Variants in CCDC141 observed in about 807,000 individuals in gnomAD.
The protein encoded by CCDC141 is coiled-coil domain-containing protein 141.
In CCDC141, 168 loss-of-function variants were observed where a neutral mutation model predicts 181.0. The observed-to-expected ratio is 0.93, with a 90% CI of 0.82 to 1.05. The LOEUF (loss-of-function observed/expected upper bound fraction) is 1.05. Among genes scored for constraint, CCDC141 ranks in the 50% least tolerant of loss-of-function variants. CCDC141 has a pLI of 0.00. For missense variants in CCDC141, 1,902 were observed against 1,788.5 expected (o/e 1.06, Z -1.14); for synonymous variants, 666 against 642.3 (o/e 1.04, Z -0.56).
In CCDC141 at chr2:178,850,149, C is replaced by T. The variant is rs1685102479; in HGVS notation, c.3257G>A (p.Gly1086Glu). Residue 1086 changes from glycine (G) to glutamate (E), a missense_variant, in exon 21 of 24, where the codon GGA becomes GAA. Gly to Glu is a moderately conservative substitution (Grantham distance 98). Coordinates refer to ENST00000443758, the MANE Select transcript of CCDC141 (RefSeq NM_173648.4). Reference protein sequence around the residue: ...LAQHLYGLEEGQKYIEKIVTK... With the variant: ...LAQHLYGLEEEQKYIEKIVTK... ...CACTATTTTCTCAATATATTTCTGT[C>T]CTTCTTCCAAACCTGGGGAGGAGAA... 6.3e-7 allele frequency: 1 copy of T among 1,595,510 alleles called. No homozygotes were observed. Among genetic ancestry groups the T allele is most frequent in the Admixed American group, 1.7e-5 (1 of 58,676 alleles).
intron 2 of CCDC141, among the ~76,000 whole-genome samples, chr2:179,043,411 C>T (rs2043379015): frequency 6.6e-6 from 1 of 152,076 alleles, no homozygotes; most frequent in South Asian, 2.1e-4. Context: ...AAAGGAAACT[C>T]CAGGCCTTGA....
intron 2 of CCDC141, among the ~76,000 whole-genome samples, chr2:179,016,116 G>A (rs1029359676): frequency 2.0e-5 from 3 of 150,848 alleles, no homozygotes; most frequent in Non-Finnish European, 4.4e-5. Flanking sequence ...AAAGTTGTAT[G>A]TTCTCACTGA....
intron 2 of CCDC141, among the ~76,000 whole-genome samples, chr2:179,040,189 C>T (rs2043257349): frequency 6.6e-6 from 1 of 152,044 alleles, no homozygotes; most frequent in Admixed American, 6.6e-5. Flanking sequence ...TGGTAAGATC[C>T]ACAACAAATA....
At position 178,856,246 on chromosome 2, in the gene CCDC141, T is replaced by G. The variant is rs767789554; in HGVS notation, c.2865+11A>C. On this transcript the variant is annotated intron_variant, in intron 18 of 23. Transcript: ENST00000443758. ...ACATGCGCACATATACAAACCATAC[T>G]TTCTTGTTACCTGCATTTTTTCAGC... The G allele has an allele frequency of 6.3e-7, 1 of 1,597,602 alleles. No homozygotes were observed. Among genetic ancestry groups the G allele is most frequent in the Non-Finnish European group, 8.5e-7 (1 of 1,172,146 alleles).
chr2:179,022,619 G>A (rs939485677), intron 2 of CCDC141, among the ~76,000 whole-genome samples: 6 of 152,084 alleles, frequency 3.9e-5, no homozygotes, highest in Non-Finnish European at 7.4e-5. Context: ...GTACTTTCAC[G>A]ATCAGTGTCT....
intron 7 of CCDC141, among the ~76,000 whole-genome samples, chr2:178,912,877 C>T (rs540601299): frequency 1.4e-4 from 22 of 152,300 alleles, no homozygotes; most frequent in African/African-American, 4.6e-4. Context: ...ACCATCCAGC[C>T]CTTCCTCGGC....
In CCDC141 at chr2:178,858,974, A is replaced by C. The variant is rs1348242925; in HGVS notation, c.2725-2577T>G. 3.9e-5 allele frequency among the ~76,000 whole-genome samples: 6 copies of C among 152,186 alleles called. No individual in the cohort carries two copies. In the East Asian group the frequency reaches 1.2e-3, roughly 29 times the overall value. ...ATTTTAAATCTACTTTGGATTAAGA[A>C]ATTTAAGACTGATAAATGATGAGTG... On this transcript the variant is annotated intron_variant, in intron 17 of 23. Transcript: ENST00000443758.
chr2:178,834,535 G>A, intron 23 of CCDC141, 95 bp from the exon 24 acceptor site: 1 of 1,313,720 alleles, frequency 7.6e-7, no homozygotes. Context: ...CATTACCACT[G>A]CAATATTCTC....
chr2:178,962,650 T>TC (rs1419250029), intron 4 of CCDC141, among the ~76,000 whole-genome samples: 2 of 151,276 alleles, frequency 1.3e-5, no homozygotes, highest in Non-Finnish European at 2.9e-5. Flanking sequence ...TTTCCTTCTT[T>TC]CTTTCTTTCC....
At chr2:178,961,123 C>G (rs1690377293) in intron 5 of CCDC141, 107 bp downstream of exon 5, 2 of 1,278,398 alleles carry the variant, frequency 1.6e-6, no homozygotes, top group African/African-American at 1.5e-5. Flanking sequence ...GACCAAAGAC[C>G]AAAAGATTTG....
intron 2 of CCDC141, among the ~76,000 whole-genome samples, chr2:178,980,823 T>C (rs182898402): frequency 2.5e-3 from 374 of 152,350 alleles, no homozygotes; most frequent in Non-Finnish European, 4.3e-3. Flanking sequence ...AGACATCATA[T>C]TGTACAACTT....
At chr2:178,849,341 C>T (rs1685068854) in intron 21 of CCDC141, among the ~76,000 whole-genome samples, 1 of 152,166 alleles carries the variant, frequency 6.6e-6, no homozygotes, top group South Asian at 2.1e-4. Context: ...GGTCACAAAT[C>T]CAATTATTTA....
Position 178,943,165 on chromosome 2 carries a change from C to T in CCDC141, c.897+1370G>A, listed in dbSNP as rs569943426. ...GATCTCTTGTGCTTGGCATTTGGGG[C>T]TTTCGATAGAATTTTCACTGATAAA... On this transcript the variant is annotated intron_variant, in intron 6 of 23. Coordinates refer to ENST00000443758, the MANE Select transcript of CCDC141 (RefSeq NM_173648.4). Among the ~76,000 whole-genome samples, 12 of 152,080 alleles carry T rather than the reference C, an allele frequency of 7.9e-5. No individual in the cohort carries two copies. In the South Asian group the frequency reaches 2.5e-3, roughly 32 times the overall value.
intron 10 of CCDC141, 41 bp downstream of exon 10, chr2:178,886,711 T>A: frequency 7.9e-7 from 1 of 1,257,934 alleles, no homozygotes; most frequent in Non-Finnish European, 1.1e-6. Flanking sequence ...AAATTATCTT[T>A]ACAAAATTAT....
At chr2:178,958,345 T>C (rs1690246418) in intron 5 of CCDC141, among the ~76,000 whole-genome samples, 1 of 152,036 alleles carries the variant, frequency 6.6e-6, no homozygotes, top group South Asian at 2.1e-4. Flanking sequence ...GGTCCATTGA[T>C]TGTAAACAAG....
chr2:178,997,064 A>G (rs1289180436), intron 2 of CCDC141, among the ~76,000 whole-genome samples: 1 of 152,186 alleles, frequency 6.6e-6, no homozygotes, highest in Non-Finnish European at 1.5e-5. Flanking sequence ...CTCAGGAGTG[A>G]CCAGTTAAAG....
At chr2:178,941,741 C>A (rs897404308) in intron 6 of CCDC141, among the ~76,000 whole-genome samples, 2 of 151,380 alleles carry the variant, frequency 1.3e-5, no homozygotes, top group Non-Finnish European at 2.9e-5. Flanking sequence ...TCACTTGAGG[C>A]CAGGAGTTCA....
chr2:178,885,653 T>C lies in CCDC141; in HGVS notation c.1528-561A>G, dbSNP rs568689231. Among the ~76,000 whole-genome samples, 5 of 152,302 alleles carry C rather than the reference T, an allele frequency of 3.3e-5. No homozygotes were observed. In the East Asian group the frequency reaches 9.6e-4, roughly 29 times the overall value. ...TGACTTGCTCAGGGATGTTCTCCTA[T>C]GTTTTCTTCTGAGTGTAATTTCTGT... is the stretch of plus-strand genomic sequence containing the variant. On this transcript the variant is annotated intron_variant, in intron 10 of 23. Transcript: ENST00000443758.
chr2:178,839,472 G>A (rs1178994660), intron 22 of CCDC141, among the ~76,000 whole-genome samples: 2 of 149,320 alleles, frequency 1.3e-5, no homozygotes, highest in African/African-American at 5.0e-5. Context: ...GCTACTTTGG[G>A]AAGCTGAAGC....
Sources: allele counts gnomAD v4.1 joint callset (sites outside exome capture counted in the v4.1 genomes callset), GRCh38; gene constraint gnomAD v4.1.1; transcripts MANE v1.5; gene names NCBI Gene and HGNC (gene_info 2026-07-23, HGNC 2026-07-21).